MARCHF1: variants seen among roughly 807,000 people sequenced by gnomAD.
The protein encoded by MARCHF1 is membrane associated ring-CH-type finger 1.
In MARCHF1, 40 loss-of-function variants were observed where a neutral mutation model predicts 54.2. That is an observed-to-expected ratio of 0.74 (90% CI 0.57 to 0.96). MARCHF1 has a LOEUF of 0.96. MARCHF1 is among the 40% of genes least tolerant of loss of function. The pLI is 0.00. For synonymous variants in MARCHF1, 236 were observed against 236.3 expected, an observed-to-expected ratio of 1.00 and a Z score of 0.01; for missense variants, 586 against 656.5, an observed-to-expected ratio of 0.89 and a Z score of 1.17.
chr4:164,251,784 T>C (rs1733136063), intron 1 of MARCHF1, among the ~76,000 whole-genome samples: 1 of 152,110 alleles, frequency 6.6e-6, no homozygotes, highest in African/African-American at 2.4e-5. Context: ...TGCATGCTAA[T>C]AAATTAAAAT....
intron 3 of MARCHF1, among the ~76,000 whole-genome samples, chr4:163,862,338 A>G (rs1046301655): frequency 1.3e-5 from 2 of 152,110 alleles, no homozygotes; most frequent in Admixed American, 1.3e-4. Flanking sequence ...CCAAACATAC[A>G]AAGAACTCTT....
intron 3 of MARCHF1, among the ~76,000 whole-genome samples, chr4:163,942,353 C>G (rs1222112371): frequency 6.6e-6 from 1 of 152,166 alleles, no homozygotes; most frequent in Admixed American, 6.5e-5. Context: ...GGTAAGAGCA[C>G]AGATATTTCT....
chr4:163,541,093 C>T (rs1579044282), intron 9 of MARCHF1, among the ~76,000 whole-genome samples: 1 of 152,216 alleles, frequency 6.6e-6, no homozygotes, highest in Admixed American at 6.5e-5. Context: ...TGACAACTAG[C>T]TCAAGCCAGT....
At chr4:163,641,387 T>C (rs1473949367) in intron 5 of MARCHF1, among the ~76,000 whole-genome samples, 4 of 152,102 alleles carry the variant, frequency 2.6e-5, no homozygotes, top group Non-Finnish European at 5.9e-5. Flanking sequence ...TATAAAAAAT[T>C]ATGGCTATTT....
intron 5 of MARCHF1, among the ~76,000 whole-genome samples, chr4:163,677,033 A>G (rs1202677325): frequency 6.6e-6 from 1 of 152,180 alleles, no homozygotes; most frequent in Non-Finnish European, 1.5e-5. Context: ...AAAAATAGAA[A>G]AAGAAGGCAT....
chr4:163,901,105 T>C (rs1184601448), intron 3 of MARCHF1, among the ~76,000 whole-genome samples: 1 of 152,174 alleles, frequency 6.6e-6, no homozygotes, highest in Non-Finnish European at 1.5e-5. Flanking sequence ...TGATGCATAC[T>C]GTAGAAGCAC....
intron 2 of MARCHF1, among the ~76,000 whole-genome samples, chr4:164,059,422 T>C (rs1385044412): frequency 2.0e-5 from 3 of 152,188 alleles, no homozygotes; most frequent in Non-Finnish European, 4.4e-5. Context: ...TTGATAAAGT[T>C]CTAGTCCTTT....
chr4:163,742,331 T>C (rs1746221089), intron 4 of MARCHF1, among the ~76,000 whole-genome samples: 1 of 143,764 alleles, frequency 7.0e-6, no homozygotes, highest in Admixed American at 7.0e-5. Context: ...TCTCCCTCCC[T>C]TTCCCTCCCT....
chr4:164,209,448 C>A (rs75167622), intron 1 of MARCHF1, among the ~76,000 whole-genome samples: 1 of 152,080 alleles, frequency 6.6e-6, no homozygotes, highest in Non-Finnish European at 1.5e-5. Flanking sequence ...TTAACTACAA[C>A]GCAATCTGGA....
intron 5 of MARCHF1, among the ~76,000 whole-genome samples, chr4:163,645,139 A>G (rs1391440662): frequency 6.6e-6 from 1 of 152,144 alleles, no homozygotes; most frequent in Non-Finnish European, 1.5e-5. Flanking sequence ...TTCAGACTCA[A>G]AAGTGGACCC....
chr4:164,128,660 T>C (rs1310504284), intron 1 of MARCHF1, among the ~76,000 whole-genome samples: 2 of 152,178 alleles, frequency 1.3e-5, no homozygotes, highest in African/African-American at 2.4e-5. Context: ...AATGTTTATA[T>C]ACACATATAT....
At chr4:163,945,224 G>A (rs924139544) in intron 3 of MARCHF1, among the ~76,000 whole-genome samples, 2 of 152,026 alleles carry the variant, frequency 1.3e-5, no homozygotes, top group African/African-American at 4.8e-5. Flanking sequence ...CCTGGTTGTT[G>A]GCCAGACATG....
At chr4:164,083,535 G>C (rs1446307529) in intron 2 of MARCHF1, among the ~76,000 whole-genome samples, 1 of 152,004 alleles carries the variant, frequency 6.6e-6, no homozygotes, top group Non-Finnish European at 1.5e-5. Flanking sequence ...GACAAAGAAA[G>C]CATGTTTCCT....
At chr4:163,606,727 A>G (rs1246305245) in intron 7 of MARCHF1, among the ~76,000 whole-genome samples, 3 of 151,966 alleles carry the variant, frequency 2.0e-5, no homozygotes, top group Non-Finnish European at 4.4e-5. Context: ...TTCTTCTGGT[A>G]CTACTGCAGT....
At chr4:164,237,243 TA>T (rs1177551511) in intron 1 of MARCHF1, among the ~76,000 whole-genome samples, 1 of 152,166 alleles carries the variant, frequency 6.6e-6, no homozygotes, top group Non-Finnish European at 1.5e-5. Context: ...AACACCCAAG[TA>T]AAATTACATG....
chr4:164,241,943 G>A lies in MARCHF1; in HGVS notation c.-322-130281C>T, dbSNP rs577346480. Among the ~76,000 whole-genome samples, 515 of 152,330 alleles carry A rather than the reference G, an allele frequency of 3.4e-3. 4 individuals carry two copies. The highest frequency in any genetic ancestry group is 0.012 in the African/African-American group (495 of 41,582). On this transcript the variant is annotated intron_variant, in intron 1 of 9. Coordinates refer to ENST00000514618, the MANE Select transcript of MARCHF1 (RefSeq NM_001394959.1). Reference sequence around the variant, plus strand: ...ACGGGCTTAAAAAACGGTGCACCACGAGATTATATCCCACACCTGGCTCGG... The same window carrying A: ...ACGGGCTTAAAAAACGGTGCACCACAAGATTATATCCCACACCTGGCTCGG...
chr4:164,209,324 T>C (rs1006163501), intron 1 of MARCHF1, among the ~76,000 whole-genome samples: 1 of 152,180 alleles, frequency 6.6e-6, no homozygotes, highest in Admixed American at 6.5e-5. Context: ...AAGATCTCCA[T>C]ACTCATCTAT....
At chr4:164,239,843 T>A (rs1471378224) in intron 1 of MARCHF1, among the ~76,000 whole-genome samples, 3 of 152,184 alleles carry the variant, frequency 2.0e-5, no homozygotes, top group Non-Finnish European at 4.4e-5. Flanking sequence ...CAGAACATAG[T>A]GTTGATTTTA....
intron 1 of MARCHF1, among the ~76,000 whole-genome samples, chr4:164,356,780 C>CAAAAAAAAAAAAAAAAAAAAAAAAAAAAA (rs58855405): frequency 9.7e-6 from 1 of 103,276 alleles, no homozygotes; most frequent in African/African-American, 3.5e-5. Flanking sequence ...AAAAGAAAAG[C>CAAAAAAAAAAAAAAAAAAAAAAAAAAAAA]AAAAAAAAAA....
Sources: allele counts gnomAD v4.1 joint callset (sites outside exome capture counted in the v4.1 genomes callset), GRCh38; gene constraint gnomAD v4.1.1; transcripts MANE v1.5; gene names NCBI Gene and HGNC (gene_info 2026-07-23, HGNC 2026-07-21).